The following CCDC63 variants were observed in gnomAD, a reference collection of about 807,000 sequenced individuals.
The protein encoded by CCDC63 is coiled-coil domain-containing protein 63.
Under a neutral mutation model 63.6 loss-of-function variants are expected in CCDC63, and 54 were observed. The observed-to-expected ratio is 0.85, with a 90% confidence interval of 0.68 to 1.07. The LOEUF is 1.07. Among genes scored for constraint, CCDC63 ranks in the 50% least tolerant of loss-of-function variants. The probability of loss-of-function intolerance (pLI) is 0.00; values close to 1 mark genes in which losing one functional copy is unlikely to be tolerated. For synonymous variants in CCDC63, 253 were observed against 266.1 expected, an observed-to-expected ratio of 0.95 and a Z score of 0.48; for missense variants, 637 against 689.6, an observed-to-expected ratio of 0.92 and a Z score of 0.86.
In CCDC63 at chr12:110,876,612, T is replaced by C. The variant is rs948769077; in HGVS notation, c.489+2651T>C. Among the ~76,000 whole-genome samples, 12 of 152,236 alleles carry C rather than the reference T, an allele frequency of 7.9e-5. No individual in the cohort carries two copies. The South Asian group carries it at 1.2e-3, about 16-fold the overall frequency. ...CAGAAACCGAATGTTTCTTAGAACA[T>C]ACTTTGAAAACCTCCAGTGAAATTA... On this transcript the variant is annotated intron_variant, in intron 5 of 11. Transcript: ENST00000308208.
intron 6 of CCDC63, among the ~76,000 whole-genome samples, chr12:110,880,664 GTGA>G (rs1310973801): frequency 4.2e-4 from 2 of 4,734 alleles, no homozygotes; most frequent in East Asian, 8.6e-3. Flanking sequence ...TTGATAAGTG[GTGA>G]TGATGGTGGT....
chr12:110,845,518 A>C (rs1017658926), upstream of CCDC63: 11 of 152,174 alleles, frequency 7.2e-5, no homozygotes, highest in African/African-American at 1.9e-4. Flanking sequence ...CATATGAATC[A>C]TTTGGAGGCA....
chr12:110,882,594 G>T (rs147173089), intron 7 of CCDC63, among the ~76,000 whole-genome samples: 30 of 152,122 alleles, frequency 2.0e-4, no homozygotes, highest in African/African-American at 6.7e-4. Flanking sequence ...CTCATAGTGG[G>T]GTATACTAGA....
At chr12:110,858,272 G>A (rs528991958) in intron 3 of CCDC63, among the ~76,000 whole-genome samples, 3 of 152,174 alleles carry the variant, frequency 2.0e-5, no homozygotes, top group Non-Finnish European at 4.4e-5. Context: ...GTGCCAGGGA[G>A]TTGCTGGCAA....
In CCDC63 at chr12:110,853,034, G is replaced by A. The variant is rs1257625622; in HGVS notation, c.9+71G>A. On this transcript the variant is annotated intron_variant, in intron 2 of 11. Coordinates refer to ENST00000308208, the MANE Select transcript of CCDC63 (RefSeq NM_152591.3). ...AGGCACTGTGCCATCCACTTTACAC[G>A]TTAGCTCGTCTCATCCTGACAAACA... The A allele has an allele frequency of 1.1e-5, 16 of 1,505,490 alleles. No individual in the cohort carries two copies. The African/African-American group carries it at 1.1e-4, about 10-fold the overall frequency. 93.3% of individuals were successfully genotyped at this position (1,505,490 alleles called of 1,614,324 possible).
At chr12:110,874,300 G>T (rs1443403183) in intron 5 of CCDC63, among the ~76,000 whole-genome samples, 1 of 152,118 alleles carries the variant, frequency 6.6e-6, no homozygotes, top group African/African-American at 2.4e-5. Context: ...TCTGTGACAA[G>T]CTGCTCATGC....
At chr12:110,874,347 G>A (rs987699105) in intron 5 of CCDC63, among the ~76,000 whole-genome samples, 2 of 152,148 alleles carry the variant, frequency 1.3e-5, no homozygotes, top group East Asian at 1.9e-4. Context: ...TGTCGGTGTT[G>A]TCTCTGAGAA....
intron 4 of CCDC63, among the ~76,000 whole-genome samples, chr12:110,867,377 A>G (rs1214844801): frequency 6.5e-3 from 353 of 54,520 alleles, no homozygotes; most frequent in African/African-American, 7.6e-3. Context: ...CCTCCCGGAC[A>G]GGGCGGCTGG....
chr12:110,862,663 C>T (rs531334945), intron 4 of CCDC63, among the ~76,000 whole-genome samples: 5 of 152,280 alleles, frequency 3.3e-5, no homozygotes, highest in Middle Eastern at 3.4e-3. Context: ...CTAGTGGGGG[C>T]GGGCCTGCCT....
At chr12:110,904,435 G>A (rs950133928) in intron 10 of CCDC63, among the ~76,000 whole-genome samples, 153 bp from the exon 11 acceptor site, 10 of 151,918 alleles carry the variant, frequency 6.6e-5, no homozygotes, top group African/African-American at 1.2e-4. Context: ...GCATAGTGAC[G>A]CCCAGGAGAA....
intron 5 of CCDC63, among the ~76,000 whole-genome samples, chr12:110,877,701 T>C (rs1217088680): frequency 6.9e-6 from 1 of 145,054 alleles, no homozygotes; most frequent in Non-Finnish European, 1.5e-5. Context: ...TTTGACTTTC[T>C]TTCTTTCTTT....
At position 110,863,558 on chromosome 12, in the gene CCDC63, T is replaced by C. The variant is rs536437494; in HGVS notation, c.369+4783T>C. Among the ~76,000 whole-genome samples the C allele has an allele frequency of 1.3e-4, 19 of 146,142 alleles. No individual in the cohort carries two copies. The South Asian group carries it at 3.2e-3, about 24-fold the overall frequency. On this transcript the variant is annotated intron_variant, in intron 4 of 11. Coordinates refer to ENST00000308208, the MANE Select transcript of CCDC63 (RefSeq NM_152591.3). ...TCCCAGGGATTTTTTTTTTTTTTTT[T>C]GAGACAGAATCTTGCTCCGTTGCCC...
intron 4 of CCDC63, among the ~76,000 whole-genome samples, chr12:110,865,875 G>A (rs1025422170): frequency 2.0e-5 from 3 of 152,212 alleles, no homozygotes; most frequent in African/African-American, 7.2e-5. Context: ...CGTGAAGGTC[G>A]GTGCAATGGC....
chr12:110,906,826 G>A (rs1455931855), intron 11 of CCDC63, among the ~76,000 whole-genome samples: 1 of 152,174 alleles, frequency 6.6e-6, no homozygotes, highest in Non-Finnish European at 1.5e-5. Context: ...TGCTGGTTAA[G>A]TCGTCCTCAC....
intron 4 of CCDC63, among the ~76,000 whole-genome samples, chr12:110,867,877 C>T (rs891394573): frequency 7.8e-4 from 95 of 122,034 alleles, no homozygotes; most frequent in African/African-American, 2.0e-3. Context: ...CAGGTGGAGA[C>T]GCTCCTCACT....
chr12:110,890,653 T>G (rs1262139301), intron 8 of CCDC63, among the ~76,000 whole-genome samples: 1 of 152,052 alleles, frequency 6.6e-6, no homozygotes, highest in Non-Finnish European at 1.5e-5. Flanking sequence ...ACACGCCCAT[T>G]TACAAGCCTG....
chr12:110,892,408 T>G (rs1400433158), intron 8 of CCDC63, among the ~76,000 whole-genome samples: 2 of 150,494 alleles, frequency 1.3e-5, no homozygotes, highest in Non-Finnish European at 3.0e-5. Flanking sequence ...AGACCCCCCA[T>G]CTCTATAAAA....
At chr12:110,863,332 T>C (rs980815627) in intron 4 of CCDC63, among the ~76,000 whole-genome samples, 1 of 152,008 alleles carries the variant, frequency 6.6e-6, no homozygotes, top group Non-Finnish European at 1.5e-5. Context: ...TGTAATAGCA[T>C]TCATATGCCT....
chr12:110,887,743 C>T lies in CCDC63; in HGVS notation c.1074+3493C>T, dbSNP rs1026627045. Among the ~76,000 whole-genome samples the T allele has an allele frequency of 5.9e-5, 9 of 151,410 alleles. 1 individual carries two copies. The highest frequency in any genetic ancestry group is 4.2e-4 in the South Asian group (2 of 4,774). On this transcript the variant is annotated intron_variant, in intron 8 of 11. Transcript: ENST00000308208. ...CCTCCTGAGTTGCTGGGACTACAGG[C>T]GCGCGCCACCACGCCCAGCTAATTT... is the stretch of plus-strand genomic sequence containing the variant.
Sources: allele counts gnomAD v4.1 joint callset (sites outside exome capture counted in the v4.1 genomes callset), GRCh38; gene constraint gnomAD v4.1.1; transcripts MANE v1.5; gene names NCBI Gene and HGNC (gene_info 2026-07-23, HGNC 2026-07-21).